MAN2B2: variants seen among roughly 807,000 people sequenced by gnomAD.
MAN2B2 encodes epididymis-specific alpha-mannosidase.
MAN2B2 carries 106 observed loss-of-function variants against 117.1 expected under a neutral mutation model. The observed-to-expected ratio is 0.90, with a 90% CI of 0.77 to 1.06. The LOEUF (loss-of-function observed/expected upper bound fraction) is 1.06. MAN2B2 is among the 50% of genes least tolerant of loss of function. The pLI is 0.00. For missense variants in MAN2B2, 1,326 were observed against 1,381.4 expected, an observed-to-expected ratio of 0.96 and a Z score of 0.64; for synonymous variants, 544 against 595.1, an observed-to-expected ratio of 0.91 and a Z score of 1.25.
chr4:6,579,802 A>G (rs1253166243), intron 3 of MAN2B2, among the ~76,000 whole-genome samples: 3 of 152,238 alleles, frequency 2.0e-5, no homozygotes, highest in Non-Finnish European at 4.4e-5. Flanking sequence ...CATCACCCAC[A>G]GTGCCGTGGG....
chr4:6,594,080 TATTA>T (rs765967919), intron 6 of MAN2B2, among the ~76,000 whole-genome samples: 10 of 152,082 alleles, frequency 6.6e-5, no homozygotes, highest in African/African-American at 1.2e-4. Flanking sequence ...TTAATCATTA[TATTA>T]ATTATAATAA....
At chr4:6,614,164 G>A in intron 15 of MAN2B2, 54 bp from the exon 16 acceptor site, 1 of 1,590,836 alleles carries the variant, frequency 6.3e-7, no homozygotes. Context: ...CTGAGTGCCA[G>A]GAGGAGGAGT....
rs113558105 is a variant in MAN2B2 at position 6,602,384 on chromosome 4, C to T, written c.1539+1628C>T. ...GTGAGGGCCTCTTCCTGCTTGCCATCTTCCTGTGTGTCCTCACATGGCACA... is the reference window on the plus strand; with the variant it reads ...GTGAGGGCCTCTTCCTGCTTGCCATTTTCCTGTGTGTCCTCACATGGCACA... On this transcript the variant is annotated intron_variant, in intron 10 of 18. Coordinates refer to ENST00000285599, the MANE Select transcript of MAN2B2 (RefSeq NM_015274.3). Among the ~76,000 whole-genome samples, 440 of 152,356 alleles carry T rather than the reference C, an allele frequency of 2.9e-3. 3 individuals carry two copies. Among genetic ancestry groups the T allele is most frequent in the African/African-American group, 9.9e-3 (413 of 41,584 alleles).
chr4:6,619,101 G>A (rs976863597), intron 17 of MAN2B2: 3 of 152,310 alleles, frequency 2.0e-5, no homozygotes, highest in Admixed American at 6.5e-5. Flanking sequence ...CAACGTGGAC[G>A]GTGGTGGGGT....
rs1172595578 is a variant in MAN2B2 at position 6,601,500 on chromosome 4, C to CAA, written c.1539+759_1539+760dup. Reference sequence around the variant, plus strand: ...GGGCAACAAGAGTGAGACTCCATCTCAAAAAAAAAAAAAAAAGAAAGGGTA... The same window carrying CAA: ...GGGCAACAAGAGTGAGACTCCATCTCAAAAAAAAAAAAAAAAAAGAAAGGGTA... On this transcript the variant is annotated intron_variant, in intron 10 of 18. Coordinates refer to ENST00000285599, the MANE Select transcript of MAN2B2 (RefSeq NM_015274.3). Among the ~76,000 whole-genome samples the CAA allele has an allele frequency of 8.9e-3, 906 of 101,580 alleles. 15 individuals are homozygous for CAA. Among genetic ancestry groups the CAA allele is most frequent in the African/African-American group, 0.027 (802 of 30,196 alleles). 66.6% of individuals were successfully genotyped at this position (101,580 alleles called of 152,430 possible).
At chr4:6,604,783 G>A (rs1180779189) in intron 10 of MAN2B2, among the ~76,000 whole-genome samples, 3 of 152,066 alleles carry the variant, frequency 2.0e-5, no homozygotes, top group African/African-American at 7.2e-5. Context: ...AAGGAGCTGG[G>A]GGTGTTCAGG....
intron 3 of MAN2B2, among the ~76,000 whole-genome samples, chr4:6,586,052 G>GT (rs1560639815): frequency 1.3e-5 from 2 of 149,168 alleles, no homozygotes; most frequent in African/African-American, 5.0e-5. Context: ...CTTTTCTTGT[G>GT]GTTTTTTTTT....
intron 15 of MAN2B2, among the ~76,000 whole-genome samples, chr4:6,612,248 C>T (rs1370139179): frequency 2.6e-5 from 4 of 152,152 alleles, no homozygotes; most frequent in South Asian, 2.1e-4. Flanking sequence ...AAGAGCAGCC[C>T]GGACCCAGGA....
In MAN2B2 at chr4:6,619,926, G is replaced by A. The variant is rs1394618903; in HGVS notation, c.2815-1G>A. ...CTCTCCCTCTGCTCCTCTCCCTGCA[G>A]GCTGTGCTGCAGGCGCTGGGGTCCG... On this transcript the variant is annotated splice_acceptor_variant, in intron 17 of 18. Transcript: ENST00000285599. LOFTEE classifies it high-confidence loss of function. 2 of 1,613,398 alleles carry A rather than the reference G, an allele frequency of 1.2e-6. No individual in the cohort carries two copies. The highest frequency in any genetic ancestry group is 1.7e-6 in the Non-Finnish European group (2 of 1,179,694).
At chr4:6,615,871 T>C (rs1011619610) in intron 16 of MAN2B2, among the ~76,000 whole-genome samples, 1 of 152,042 alleles carries the variant, frequency 6.6e-6, no homozygotes, top group Non-Finnish European at 1.5e-5. Flanking sequence ...TGGTGTGATC[T>C]TGGCTCACTG....
At chr4:6,579,393 C>G (rs1225048351) in intron 3 of MAN2B2, among the ~76,000 whole-genome samples, 1 of 73,610 alleles carries the variant, frequency 1.4e-5, no homozygotes, top group Non-Finnish European at 3.1e-5. Context: ...TACCCTTCAC[C>G]ATCACCACCA....
rs761276463 is a variant in MAN2B2 at position 6,621,303 on chromosome 4, C to T, written c.*18C>T. On this transcript the variant is annotated 3_prime_UTR_variant, in exon 19 of 19. Coordinates refer to ENST00000285599, the MANE Select transcript of MAN2B2 (RefSeq NM_015274.3). The stretch of plus-strand genomic sequence containing the variant: ...AGCAGTGAGCCCTGGGCAGATGCCC[C>T]GGCCCCAGGGCTTCCCCCAGGAACT... 5.6e-6 allele frequency: 9 copies of T among 1,596,312 alleles called. No homozygotes were observed. Among genetic ancestry groups the T allele is most frequent in the South Asian group, 2.2e-5 (2 of 90,544 alleles).
intron 3 of MAN2B2, among the ~76,000 whole-genome samples, chr4:6,578,829 T>G (rs549203469): frequency 2.0e-5 from 3 of 152,176 alleles, no homozygotes; most frequent in Non-Finnish European, 4.4e-5. Flanking sequence ...AAAGGGTTGT[T>G]GTGAGTATTA....
chr4:6,589,053 G>T lies in MAN2B2; in HGVS notation c.573G>T (p.Gln191His). 1 of 1,614,016 alleles carries T rather than the reference G, an allele frequency of 6.2e-7. No individual in the cohort carries two copies. The highest frequency in any genetic ancestry group is 8.5e-7 in the Non-Finnish European group (1 of 1,179,888). The change falls in exon 5 of 19, where the codon CAG (glutamine) becomes CAT (histidine). Residue 191 changes from glutamine (Q) to histidine (H), a missense_variant. Gln to His is a conservative substitution (Grantham distance 24, BLOSUM62 0). Transcript: ENST00000285599. ...TTCTCCTCGGTTTGCAGGGGCTGCAGTTCGTGTGGCGAGGGTCCCCATCCC... is the reference window on the plus strand; with the variant it reads ...TTCTCCTCGGTTTGCAGGGGCTGCATTTCGTGTGGCGAGGGTCCCCATCCC... ...KAAMQEARGL[Q>H]FVWRGSPSLS...
chr4:6,586,621 T>G (rs1353635668), intron 3 of MAN2B2, among the ~76,000 whole-genome samples: 2 of 151,200 alleles, frequency 1.3e-5, no homozygotes, highest in African/African-American at 4.9e-5. Flanking sequence ...AGTCAGGGAG[T>G]AGAATGGGGG....
rs1727495992 is a variant in MAN2B2 at position 6,605,241 on chromosome 4, G to A, written c.1726G>A (p.Ala576Thr). The change falls in exon 11 of 19, where the codon GCG becomes ACG. Residue 576 changes from alanine (A) to threonine (T), a missense_variant. Coordinates refer to ENST00000285599, the MANE Select transcript of MAN2B2 (RefSeq NM_015274.3). ...GRRLRRRTSH[A>T]GRYLVPVAND... ...CAGGCTGAGGAGACGCACCAGCCAT[G>A]CGGGCAGGTACTTGGTGCCTGTGGC... 6.2e-7 allele frequency: 1 copy of A among 1,614,218 alleles called. No individual in the cohort carries two copies. The highest frequency in any genetic ancestry group is 8.5e-7 in the Non-Finnish European group (1 of 1,180,032).
At chr4:6,615,953 A>C (rs928788794) in intron 16 of MAN2B2, among the ~76,000 whole-genome samples, 1 of 152,048 alleles carries the variant, frequency 6.6e-6, no homozygotes, top group African/African-American at 2.4e-5. Context: ...ACAGGTGCCC[A>C]CCACCATGCC....
intron 18 of MAN2B2, chr4:6,620,395 G>C: frequency 4.0e-6 from 1 of 247,432 alleles, no homozygotes; most frequent in South Asian, 4.9e-5. Flanking sequence ...TGCCTCATAC[G>C]ACATGTGCCA....
intron 13 of MAN2B2, 56 bp downstream of exon 13, chr4:6,610,106 T>C (rs1409375036): frequency 1.3e-6 from 2 of 1,598,220 alleles, no homozygotes; most frequent in South Asian, 1.1e-5. Flanking sequence ...CCTGGACCCA[T>C]TAAGCATCAA....
Sources: gnomAD v4.1 joint callset for allele counts (sites outside exome capture counted in the v4.1 genomes callset) on GRCh38, gnomAD v4.1.1 for gene constraint, MANE v1.5 for transcripts, NCBI Gene and HGNC (gene_info 2026-07-23, HGNC 2026-07-21) for gene names.